Variants in FBXO47 observed in about 807,000 individuals in gnomAD.
The protein encoded by FBXO47 is F-box only protein 47.
In FBXO47, 34 loss-of-function variants were observed where a neutral mutation model predicts 53.9. The ratio of observed to expected loss-of-function variants is 0.63; its 90% CI spans 0.48 to 0.84. FBXO47 has a LOEUF of 0.84. Among genes scored for constraint, FBXO47 ranks in the 40% least tolerant of loss-of-function variants. FBXO47 has a pLI of 0.00. For missense variants in FBXO47, 485 were observed against 541.3 expected (o/e 0.90, Z 1.03); for synonymous variants, 165 against 181.6 (o/e 0.91, Z 0.73).
intron 4 of FBXO47, among the ~76,000 whole-genome samples, chr17:38,955,205 G>A (rs954385462): frequency 2.6e-5 from 4 of 151,960 alleles, no homozygotes; most frequent in Admixed American, 2.0e-4. Context: ...GGCTAACATG[G>A]TGAAGCTCCG....
chr17:38,938,709 G>A lies in FBXO47; in HGVS notation c.1107C>T (p.Cys369=). ...GCATCATTTTAACTGTCCAATCCAT[G>A]CAGTACAGTTCTTTCTCACACACCT... is the stretch of plus-strand genomic sequence containing the variant. The part of the protein sequence containing the change: ...LALVCEKELY[C]MDWTVKMMQK... Residue 369 remains cysteine (C), a synonymous_variant, in exon 10 of 11, where the codon TGC becomes TGT. Transcript: ENST00000378079. 6.2e-7 allele frequency: 1 copy of A among 1,606,316 alleles called. No homozygotes were observed. Among genetic ancestry groups the A allele is most frequent in the South Asian group, 1.1e-5 (1 of 90,556 alleles).
chr17:38,962,929 A>G lies in FBXO47; in HGVS notation c.97T>C (p.Ser33Pro). Residue 33 changes from serine (S) to proline (P), a missense_variant, in exon 2 of 11, where the codon TCA becomes CCA. Ser to Pro is a moderately conservative substitution (Grantham distance 74). Transcript: ENST00000378079. ...AATGTTGATATGGGTTGAAAGCCTG[A>G]GCCAAGGGTCTTGGAATAACAGCTG... is the stretch of plus-strand genomic sequence containing the variant. ...QTSCYSKTLG[S>P]GFQPISTFGN... 6.2e-7 allele frequency: 1 copy of G among 1,613,550 alleles called. No homozygotes were observed. Among genetic ancestry groups the G allele is most frequent in the Admixed American group, 1.7e-5 (1 of 59,992 alleles).
chr17:38,965,472 T>C (rs959596927), intron 1 of FBXO47, among the ~76,000 whole-genome samples: 1 of 152,042 alleles, frequency 6.6e-6, no homozygotes, highest in Admixed American at 6.6e-5. Flanking sequence ...AGAAATTTAG[T>C]GTTTAGTGAA....
At chr17:38,942,642 G>GAAACATTAAAAAT (rs1460955927) in intron 9 of FBXO47, 136 bp downstream of exon 9, 30 of 571,994 alleles carry the variant, frequency 5.2e-5, no homozygotes, top group Non-Finnish European at 7.9e-5. Flanking sequence ...TTTTGAAAAA[G>GAAACATTAAAAAT]AAACATTAAA....
At chr17:38,949,046 TTTTG>T in intron 6 of FBXO47, among the ~76,000 whole-genome samples, 1 of 152,214 alleles carries the variant, frequency 6.6e-6, no homozygotes, top group East Asian at 1.9e-4. Context: ...TAATACTACA[TTTTG>T]TTTATCTATT....
chr17:38,938,664 A>G lies in FBXO47; in HGVS notation c.1152T>C (p.Phe384=), dbSNP rs187260473. 6.2e-7 allele frequency: 1 copy of G among 1,613,674 alleles called. No individual in the cohort carries two copies. The highest frequency in any genetic ancestry group is 1.1e-5 in the South Asian group (1 of 91,068). Residue 384 remains phenylalanine, a synonymous_variant, in exon 10 of 11, where the codon TTT becomes TTC. Coordinates refer to ENST00000378079, the MANE Select transcript of FBXO47 (RefSeq NM_001008777.3). ...VKMMQKVCKV[F]STPVERKNFL... The stretch of plus-strand genomic sequence containing the variant: ...AGTTCTTTCTTTCCACTGGAGTGCT[A>G]AAGACTTTGCAGACTTTTTGCATCA...
chr17:38,951,488 C>T (rs887199330), intron 6 of FBXO47, 93 bp downstream of exon 6: 1 of 966,868 alleles, frequency 1.0e-6, no homozygotes, highest in Non-Finnish European at 1.5e-6. Context: ...GCCACTACAC[C>T]TGGCCCAAAT....
chr17:38,946,317 TATATATAAATATATAAATATATATAA>T lies in FBXO47; in HGVS notation c.617-1207_617-1182del, dbSNP rs1904816670. On this transcript the variant is annotated intron_variant, in intron 6 of 10. Transcript: ENST00000378079. ...ATAAAAATATATATAAATATATAAA[TATATATAAATATATAAATATATATAA>T]ATATATAAATATATATAAATATATA... Among the ~76,000 whole-genome samples, 3 of 92,026 alleles carry T rather than the reference TATATATAAATATATAAATATATATAA, an allele frequency of 3.3e-5. 1 individual carries two copies. The highest frequency in any genetic ancestry group is 1.6e-4 in the African/African-American group (3 of 18,710). The allele number at this position is 92,026 out of a possible 152,430, so 60.4% of individuals were successfully genotyped here. A position where few individuals can be genotyped will look rare whatever the true frequency, so the allele number is the denominator to read the frequency against.
chr17:38,950,500 A>G (rs192218952), intron 6 of FBXO47, among the ~76,000 whole-genome samples: 74 of 122,418 alleles, frequency 6.0e-4, no homozygotes, highest in African/African-American at 2.2e-3. Flanking sequence ...GGATCTTGCT[A>G]TGTCGCCCAG....
Position 38,942,919 on chromosome 17 carries a change from C to G in FBXO47, c.942G>C (p.Val314=). The change falls in exon 9 of 11, where the codon GTG becomes GTC. Residue 314 remains valine, a splice_region_variant and synonymous_variant. Transcript: ENST00000378079. ...TCTCTAGAAGCCACTCACGGGGAAC[C>G]ACTTTTATTAGAGGAAGAACAATTA... is the stretch of plus-strand genomic sequence containing the variant. The part of the protein sequence containing the change: ...DVISLVDELS[V]VPREWLLENN... 1 of 1,602,430 alleles carries G rather than the reference C, an allele frequency of 6.2e-7. No homozygotes were observed. The highest frequency in any genetic ancestry group is 8.5e-7 in the Non-Finnish European group (1 of 1,175,906).
chr17:38,942,414 G>A (rs1904550185), intron 9 of FBXO47, among the ~76,000 whole-genome samples: 1 of 152,088 alleles, frequency 6.6e-6, no homozygotes, highest in East Asian at 1.9e-4. Context: ...CCAGCATAGT[G>A]AAACCCCGTC....
chr17:38,947,061 AATATATATAAACATATATAAAC>A (rs1366191929), intron 6 of FBXO47, among the ~76,000 whole-genome samples: 18 of 136,604 alleles, frequency 1.3e-4, no homozygotes, highest in Admixed American at 1.1e-3. Flanking sequence ...AACATATATA[AATATATATAAACATATATAAAC>A]ATATATATAA....
At chr17:38,942,190 A>AT (rs902091866) in intron 9 of FBXO47, among the ~76,000 whole-genome samples, 14 of 151,894 alleles carry the variant, frequency 9.2e-5, no homozygotes, top group African/African-American at 2.4e-4. Context: ...TTAACATGGA[A>AT]TTTTTTTTTA....
At chr17:38,962,652 ATTAT>A (rs1441746915) in intron 2 of FBXO47, among the ~76,000 whole-genome samples, 189 bp downstream of exon 2, 14 of 148,622 alleles carry the variant, frequency 9.4e-5, no homozygotes, top group South Asian at 4.2e-4. Flanking sequence ...AATAATAATA[ATTAT>A]TTAAGTATTG....
Position 38,938,651 on chromosome 17 carries a change from C to G in FBXO47, c.1165G>C (p.Glu389Gln), listed in dbSNP as rs974461292. 3 of 1,613,688 alleles carry G rather than the reference C, an allele frequency of 1.9e-6. No homozygotes were observed. The highest frequency in any genetic ancestry group is 2.5e-6 in the Non-Finnish European group (3 of 1,179,718). ...KVCKVFSTPV[E>Q]RKNFLQNVAN... ...ACATTCTGCAGGAAGTTCTTTCTTT[C>G]CACTGGAGTGCTAAAGACTTTGCAG... Residue 389 changes from glutamate to glutamine, a missense_variant, in exon 10 of 11, where the codon GAA becomes CAA. Coordinates refer to ENST00000378079, the MANE Select transcript of FBXO47 (RefSeq NM_001008777.3).
At chr17:38,946,390 ATC>A (rs1163023444) in intron 6 of FBXO47, among the ~76,000 whole-genome samples, 19 of 91,022 alleles carry the variant, frequency 2.1e-4, no homozygotes, top group South Asian at 7.3e-4. Context: ...AAATATATAT[ATC>A]TATATATAAA....
At chr17:38,956,580 C>T (rs1905567681) in intron 4 of FBXO47, among the ~76,000 whole-genome samples, 1 of 146,642 alleles carries the variant, frequency 6.8e-6, no homozygotes, top group Admixed American at 6.8e-5. Context: ...AAGAGCGAGA[C>T]TCTGTCTCAA....
chr17:38,954,743 G>T, intron 5 of FBXO47, 113 bp downstream of exon 5: 3 of 549,808 alleles, frequency 5.5e-6, no homozygotes, highest in Non-Finnish European at 9.3e-6. Context: ...ATTTTATTTT[G>T]CTCTTTTTAA....
In FBXO47 at chr17:38,945,028, T is replaced by G; in HGVS notation, c.725A>C (p.Lys242Thr). 1 of 1,614,058 alleles carries G rather than the reference T, an allele frequency of 6.2e-7. No individual in the cohort carries two copies. The highest frequency in any genetic ancestry group is 8.5e-7 in the Non-Finnish European group (1 of 1,179,996). The change falls in exon 7 of 11, where the codon AAA (lysine) becomes ACA (threonine). Residue 242 changes from lysine to threonine, a missense_variant. Lys to Thr is a moderately conservative substitution (Grantham distance 78, BLOSUM62 -1). Coordinates refer to ENST00000378079, the MANE Select transcript of FBXO47 (RefSeq NM_001008777.3). Reference sequence around the variant, plus strand: ...TGCCTGATTCACCATTGGCCATGGTTTTAATATTCGCGTCAACCAAAAAGC... The same window carrying G: ...TGCCTGATTCACCATTGGCCATGGTGTTAATATTCGCGTCAACCAAAAAGC... ...DSAFWLTRIL[K>T]PWPMVNQARL...
Sources: allele counts gnomAD v4.1 joint callset (sites outside exome capture counted in the v4.1 genomes callset), GRCh38; gene constraint gnomAD v4.1.1; transcripts MANE v1.5; gene names NCBI Gene and HGNC (gene_info 2026-07-23, HGNC 2026-07-21).